Variants in ST18 observed in about 807,000 individuals in gnomAD.
The protein encoded by ST18 is ST18 C2H2C-type zinc finger transcription factor.
Under a neutral mutation model 110.0 loss-of-function variants are expected in ST18, and 50 were observed. The observed-to-expected ratio is 0.45, with a 90% CI of 0.36 to 0.58. The LOEUF is 0.58. Ranked by LOEUF, ST18 falls within the 20% of genes least tolerant of loss-of-function variation. The probability of loss-of-function intolerance (pLI) is 0.00; values close to 1 mark genes in which losing one functional copy is unlikely to be tolerated. For synonymous variants in ST18, 461 were observed against 452.4 expected, an observed-to-expected ratio of 1.02 and a Z score of -0.24; for missense variants, 1,306 against 1,280.1, an observed-to-expected ratio of 1.02 and a Z score of -0.31.
intron 2 of ST18, among the ~76,000 whole-genome samples, chr8:52,381,974 CAAA>C (rs869193937): frequency 2.0e-5 from 1 of 49,370 alleles, no homozygotes; most frequent in African/African-American, 3.3e-5. Context: ...CATTAAAAAA[CAAA>C]AAAAAACAAA....
chr8:52,276,247 T>TATA (rs2095259613), intron 2 of ST18, among the ~76,000 whole-genome samples: 1 of 9,316 alleles, frequency 1.1e-4, no homozygotes, highest in Non-Finnish European at 2.4e-4. Flanking sequence ...ACACACACCA[T>TATA]GCATACACAT....
At chr8:52,342,759 C>A (rs1815729869) in intron 2 of ST18, among the ~76,000 whole-genome samples, 1 of 152,158 alleles carries the variant, frequency 6.6e-6, no homozygotes, top group South Asian at 2.1e-4. Context: ...CACTAGAACC[C>A]AGGACTCTGT....
chr8:52,273,190 A>G (rs931230256), intron 2 of ST18, among the ~76,000 whole-genome samples: 2 of 152,236 alleles, frequency 1.3e-5, no homozygotes, highest in Non-Finnish European at 2.9e-5. Flanking sequence ...GCAGTTGGAC[A>G]GCTTTATCTG....
chr8:52,119,489 T>C (rs534350161), intron 23 of ST18, among the ~76,000 whole-genome samples: 5 of 152,148 alleles, frequency 3.3e-5, no homozygotes, highest in Non-Finnish European at 7.4e-5. Context: ...GACAATTGGT[T>C]TGAAAGAGAT....
intron 22 of ST18, among the ~76,000 whole-genome samples, chr8:52,130,159 G>GAA (rs1554586063): frequency 6.7e-6 from 1 of 148,572 alleles, no homozygotes; most frequent in Non-Finnish European, 1.5e-5. Flanking sequence ...AAGAAAGAAA[G>GAA]AAAGAAAAAG....
intron 2 of ST18, among the ~76,000 whole-genome samples, chr8:52,280,537 A>G (rs746066655): frequency 2.0e-5 from 3 of 152,100 alleles, no homozygotes; most frequent in Non-Finnish European, 4.4e-5. Flanking sequence ...AAAATGTTGT[A>G]TCAAGTAAAT....
intron 2 of ST18, among the ~76,000 whole-genome samples, chr8:52,386,888 G>A (rs920809734): frequency 2.6e-5 from 4 of 152,228 alleles, no homozygotes; most frequent in Admixed American, 6.5e-5. Flanking sequence ...TCAAATCCAC[G>A]AAAAGCTATC....
intron 8 of ST18, chr8:52,206,355 G>A (rs772424176): frequency 4.0e-4 from 61 of 152,226 alleles, no homozygotes; most frequent in African/African-American, 1.4e-3. Flanking sequence ...GAGCATTAGA[G>A]TTCATCGGCT....
intron 8 of ST18, among the ~76,000 whole-genome samples, chr8:52,197,889 GCACACACA>G (rs57662247): frequency 9.3e-5 from 14 of 150,260 alleles, no homozygotes; most frequent in African/African-American, 3.2e-4. Context: ...AACAAAATGA[GCACACACA>G]CACACACACA....
At chr8:52,200,279 G>T (rs560651361) in intron 8 of ST18, among the ~76,000 whole-genome samples, 1 of 152,318 alleles carries the variant, frequency 6.6e-6, no homozygotes, top group East Asian at 1.9e-4. Flanking sequence ...AGCAGAAGGA[G>T]AATAATAAAG....
intron 2 of ST18, among the ~76,000 whole-genome samples, chr8:52,266,319 A>T (rs370145599): frequency 1.3e-5 from 2 of 152,112 alleles, no homozygotes; most frequent in African/African-American, 2.4e-5. Context: ...GTGTAGTTGG[A>T]TATGGGACCA....
chr8:52,213,411 C>T (rs184563179), intron 7 of ST18, among the ~76,000 whole-genome samples: 7 of 121,710 alleles, frequency 5.8e-5, no homozygotes, highest in Admixed American at 2.1e-4. Flanking sequence ...TGCAGGGTCA[C>T]GGCTTTGCCA....
At chr8:52,230,872 G>A (rs1229141159) in intron 2 of ST18, among the ~76,000 whole-genome samples, 3 of 152,068 alleles carry the variant, frequency 2.0e-5, no homozygotes, top group Admixed American at 1.3e-4. Flanking sequence ...ATGCCCTGAC[G>A]ACAGAACAAT....
chr8:52,370,240 C>A (rs930276986), intron 2 of ST18, among the ~76,000 whole-genome samples: 5 of 152,052 alleles, frequency 3.3e-5, no homozygotes, highest in African/African-American at 1.2e-4. Context: ...CCTGGGACGA[C>A]CAAGACAAGG....
intron 8 of ST18, among the ~76,000 whole-genome samples, chr8:52,193,428 T>C (rs943021612): frequency 6.6e-6 from 1 of 152,206 alleles, no homozygotes; most frequent in Non-Finnish European, 1.5e-5. Context: ...ACAGCCCATA[T>C]TCACACTTGC....
intron 2 of ST18, among the ~76,000 whole-genome samples, chr8:52,298,148 A>G (rs1424229537): frequency 6.6e-6 from 1 of 152,178 alleles, no homozygotes; most frequent in African/African-American, 2.4e-5. Flanking sequence ...CCTATGAGGC[A>G]TTTTAGGGCC....
chr8:52,160,159 T>C (rs954208776), intron 14 of ST18, among the ~76,000 whole-genome samples: 1 of 152,230 alleles, frequency 6.6e-6, no homozygotes, highest in Non-Finnish European at 1.5e-5. Context: ...CATATATGTA[T>C]GTACGTATAT....
chr8:52,203,344 G>C (rs1189497013), intron 8 of ST18, among the ~76,000 whole-genome samples: 1 of 152,104 alleles, frequency 6.6e-6, no homozygotes, highest in Non-Finnish European at 1.5e-5. Flanking sequence ...TTAACCCAGT[G>C]TTCTTTCCAC....
At chr8:52,194,449 T>C (rs1235112049) in intron 8 of ST18, 1 of 152,220 alleles carries the variant, frequency 6.6e-6, no homozygotes, top group African/African-American at 2.4e-5. Context: ...TGTTTCTTGC[T>C]CCTTTTTATA....
Sources: allele counts gnomAD v4.1 joint callset (sites outside exome capture counted in the v4.1 genomes callset), GRCh38; gene constraint gnomAD v4.1.1; transcripts MANE v1.5; gene names NCBI Gene and HGNC (gene_info 2026-07-23, HGNC 2026-07-21).